The following CHFR variants were observed in gnomAD, a reference collection of about 807,000 sequenced individuals.
CHFR encodes the protein E3 ubiquitin-protein ligase CHFR.
CHFR carries 57 observed loss-of-function variants against 87.6 expected under a neutral mutation model. The ratio of observed to expected loss-of-function variants is 0.65; its 90% confidence interval spans 0.53 to 0.81. The LOEUF (loss-of-function observed/expected upper bound fraction) is 0.81, where lower values mean the gene tolerates loss of function less well. CHFR is among the 30% of genes least tolerant of loss of function. The pLI is 0.00. For missense variants in CHFR, 797 were observed against 865.8 expected, an observed-to-expected ratio of 0.92 and a Z score of 1.00; for synonymous variants, 381 against 359.2, an observed-to-expected ratio of 1.06 and a Z score of -0.69.
chr12:132,845,072 C>T (rs1017765233), intron 15 of CHFR, among the ~76,000 whole-genome samples: 2 of 48,766 alleles, frequency 4.1e-5, no homozygotes, highest in South Asian at 2.1e-3. Context: ...ACAATTTAAA[C>T]ATCAAAATTA....
At chr12:132,864,887 T>A (rs1951298997) in intron 6 of CHFR, among the ~76,000 whole-genome samples, 1 of 152,248 alleles carries the variant, frequency 6.6e-6, no homozygotes. Context: ...TTACCCAGAC[T>A]ACACACTGTG....
At position 132,857,517 on chromosome 12, in the gene CHFR, C is replaced by T. The variant is rs1367099211; in HGVS notation, c.954G>A (p.Ser318=). Residue 318 remains serine (S), a synonymous_variant, in exon 9 of 18, where the codon TCG becomes TCA. Coordinates refer to ENST00000450056, the MANE Select transcript of CHFR (RefSeq NM_001161346.2). ...ACAGGGACGAGCGCTCCATCCAGCC[C>T]GAGTAGCAAGCCGCGCAGAACGTGT... ...CMHTFCAACY[S]GWMERSSLCP... 8.1e-6 allele frequency: 13 copies of T among 1,614,018 alleles called. No homozygotes were observed. The highest frequency in any genetic ancestry group is 4.5e-5 in the East Asian group (2 of 44,890).
rs563983297 is a variant in CHFR at position 132,835,803 on chromosome 12, G to A, written c.*5751C>T. On this transcript the variant is annotated 3_prime_UTR_variant, in exon 18 of 18. Transcript: ENST00000450056. ...CGGGTCTCACAAATGCATGCTCCCA[G>A]CACAGCGCACGGCCCTCACAGTGCC... The A allele has an allele frequency of 2.8e-4, 95 of 335,108 alleles. No individual in the cohort carries two copies. The Middle Eastern group carries it at 3.2e-3, about 11-fold the overall frequency. 20.8% of individuals were successfully genotyped at this position (335,108 alleles called of 1,614,324 possible).
At chr12:132,859,023 C>G (rs761784455) in intron 8 of CHFR, 45 bp downstream of exon 8, 4 of 1,578,082 alleles carry the variant, frequency 2.5e-6, no homozygotes, top group Admixed American at 1.7e-5. Context: ...GGACGAAGAA[C>G]CTGCAGTGCC....
chr12:132,883,998 A>T (rs1951827872), intron 2 of CHFR, among the ~76,000 whole-genome samples: 1 of 152,092 alleles, frequency 6.6e-6, no homozygotes, highest in South Asian at 2.1e-4. Context: ...CACACGCCTG[A>T]AATCTCAGCT....
chr12:132,848,729 GGA>G lies in CHFR; in HGVS notation c.1493-7_1493-6del. 1 of 1,576,994 alleles carries G rather than the reference GGA, an allele frequency of 6.3e-7. No homozygotes were observed. The highest frequency in any genetic ancestry group is 1.2e-5 in the South Asian group (1 of 85,882). On this transcript the variant is annotated splice_region_variant and splice_polypyrimidine_tract_variant and intron_variant, in intron 12 of 17. Transcript: ENST00000450056. ...AAGGCTGCAGGCAGACCGCACCTGT[GGA>G]GAGAGGACACTCGTTACACGCACTC...
rs761126986 is a variant in CHFR, at chr12:132,887,236, G to A, written c.93C>T (p.Val31=). The change falls in exon 2 of 18, where the codon GTC becomes GTT. Residue 31 remains valine (V), a synonymous_variant. Transcript: ENST00000450056. ...RLGAEEGEPH[V]LLRKREWTIG... is the part of the protein sequence containing the mutation. Reference sequence around the variant, plus strand: ...TGGTCCACTCCCGCTTCCTCAGGAGGACGTGCGGCTCGCCCTCCTCCGCGC... The same window carrying A: ...TGGTCCACTCCCGCTTCCTCAGGAGAACGTGCGGCTCGCCCTCCTCCGCGC... 3.7e-5 allele frequency: 55 copies of A among 1,504,300 alleles called. No individual in the cohort carries two copies. The highest frequency in any genetic ancestry group is 4.4e-5 in the African/African-American group (3 of 68,910). 93.2% of individuals were successfully genotyped at this position (1,504,300 alleles called of 1,614,324 possible).
chr12:132,870,226 C>A (rs1252152545), intron 5 of CHFR, among the ~76,000 whole-genome samples: 1 of 152,094 alleles, frequency 6.6e-6, no homozygotes, highest in African/African-American at 2.4e-5. Context: ...GTAGCGACTG[C>A]CTGTAGTCCC....
chr12:132,842,980 A>AG (rs764961378), intron 17 of CHFR, 31 bp downstream of exon 17: 1 of 1,582,100 alleles, frequency 6.3e-7, no homozygotes, highest in Non-Finnish European at 8.6e-7. Flanking sequence ...ATCACTCTGT[A>AG]GCTGACGCCT....
Position 132,857,411 on chromosome 12 carries a change from G to A in CHFR, c.1060C>T (p.His354Tyr), listed in dbSNP as rs746470663. ...TGTGGATGCCCTCACTTGCCTGGAT[G>A]CTGGATGAGGTATGCTTCCACGAGG... ...NNLVEAYLIQ[H>Y]PDKSRSEEDV... The change falls in exon 9 of 18, where the codon CAT becomes TAT. Residue 354 changes from histidine (H) to tyrosine (Y), a missense_variant. By Grantham distance (83) the His-to-Tyr change is moderately conservative. Coordinates refer to ENST00000450056, the MANE Select transcript of CHFR (RefSeq NM_001161346.2). 4.3e-6 allele frequency: 7 copies of A among 1,614,060 alleles called. No homozygotes were observed. Among genetic ancestry groups the A allele is most frequent in the Non-Finnish European group, 5.1e-6 (6 of 1,180,010 alleles).
chr12:132,880,590 G>A (rs1454679735), intron 2 of CHFR, among the ~76,000 whole-genome samples: 1 of 151,874 alleles, frequency 6.6e-6, no homozygotes, highest in East Asian at 1.9e-4. Context: ...CCCAGGAGGT[G>A]GAGCTTGCAG....
intron 2 of CHFR, among the ~76,000 whole-genome samples, chr12:132,885,373 T>C (rs1951863960): frequency 6.6e-6 from 1 of 151,530 alleles, no homozygotes; most frequent in Non-Finnish European, 1.5e-5. Context: ...ATCGCGCCAC[T>C]GCACTCCAGC....
At chr12:132,853,699 AG>A (rs939453079) in intron 10 of CHFR, 126 bp from the exon 11 acceptor site, 15 of 1,202,606 alleles carry the variant, frequency 1.2e-5, no homozygotes, top group Non-Finnish European at 1.7e-5. Flanking sequence ...TGTGAGGGGA[AG>A]GGCCGGGCCC....
chr12:132,849,414 C>CG (rs1950893299), intron 12 of CHFR: 1 of 152,170 alleles, frequency 6.6e-6, no homozygotes, highest in Non-Finnish European at 1.5e-5. Flanking sequence ...GCGTGATGCA[C>CG]TGCACCCGGC....
chr12:132,865,547 A>G (rs1951314518), intron 6 of CHFR, among the ~76,000 whole-genome samples: 1 of 146,494 alleles, frequency 6.8e-6, no homozygotes, highest in Admixed American at 6.9e-5. Flanking sequence ...TAATTTTTGT[A>G]TTTTCAGTAG....
At chr12:132,880,984 A>G (rs1951755089) in intron 2 of CHFR, among the ~76,000 whole-genome samples, 3 of 147,014 alleles carry the variant, frequency 2.0e-5, no homozygotes, top group Admixed American at 1.3e-4. Context: ...AAAAAAAGTA[A>G]GGCTGGGGGC....
intron 1 of CHFR, 91 bp downstream of exon 1, chr12:132,887,456 C>T (rs1050727709): frequency 1.4e-6 from 1 of 738,694 alleles, no homozygotes; most frequent in Non-Finnish European, 1.7e-6. Flanking sequence ...GCCCCGCAGC[C>T]CGGCCTGGAC....
chr12:132,867,717 T>C (rs911930988), intron 6 of CHFR: 8 of 152,176 alleles, frequency 5.3e-5, no homozygotes, highest in Admixed American at 2.0e-4. Flanking sequence ...CAGACTGCTA[T>C]GGAATGTAAG....
At chr12:132,845,230 C>A (rs1190790324) in intron 15 of CHFR, among the ~76,000 whole-genome samples, 2 of 151,470 alleles carry the variant, frequency 1.3e-5, no homozygotes, top group African/African-American at 2.4e-5. Context: ...CCGAGGCAGG[C>A]GGATCACAAG....
Sources: allele counts gnomAD v4.1 joint callset (sites outside exome capture counted in the v4.1 genomes callset), GRCh38; gene constraint gnomAD v4.1.1; transcripts MANE v1.5; gene names NCBI Gene and HGNC (gene_info 2026-07-23, HGNC 2026-07-21).